Variants in ACADSB observed in about 807,000 individuals in gnomAD.
ACADSB encodes acyl-CoA dehydrogenase short/branched chain.
A neutral mutation model predicts 54.1 loss-of-function variants in ACADSB; 40 were observed. The ratio of observed to expected loss-of-function variants is 0.74; its 90% CI spans 0.57 to 0.96. ACADSB has a LOEUF of 0.96. Among genes scored for constraint, ACADSB ranks in the 40% least tolerant of loss-of-function variants. The probability of loss-of-function intolerance (pLI) is 0.00; values close to 1 mark genes in which losing one functional copy is unlikely to be tolerated. For missense variants in ACADSB, 530 were observed against 510.4 expected, an observed-to-expected ratio of 1.04 and a Z score of -0.37; for synonymous variants, 182 against 182.8, an observed-to-expected ratio of 1.00 and a Z score of 0.03.
Position 123,053,826 on chromosome 10 carries a change from C to A in ACADSB, c.*61C>A. 6.9e-7 allele frequency: 1 copy of A among 1,457,478 alleles called. No homozygotes were observed. Among genetic ancestry groups the A allele is most frequent in the South Asian group, 1.1e-5 (1 of 87,816 alleles). The allele number at this position is 1,457,478 out of a possible 1,614,324, so 90.3% of individuals were successfully genotyped here. A position where few individuals can be genotyped will look rare whatever the true frequency, so the allele number is the denominator to read the frequency against. ...GCTGTAAAATTTTAAACGGTTGTGT[C>A]TTGTTGGGAGTAAGTGCCTTGCGTG... On this transcript the variant is annotated 3_prime_UTR_variant, in exon 11 of 11. Coordinates refer to ENST00000358776, the MANE Select transcript of ACADSB (RefSeq NM_001609.4).
intron 3 of ACADSB, among the ~76,000 whole-genome samples, chr10:123,039,175 T>A (rs1320389735): frequency 6.6e-6 from 1 of 152,194 alleles, no homozygotes; most frequent in African/African-American, 2.4e-5. Context: ...TGATATCTGT[T>A]CGAGTCATTG....
chr10:123,012,069 T>G (rs1850043720), intron 1 of ACADSB, among the ~76,000 whole-genome samples: 1 of 151,460 alleles, frequency 6.6e-6, no homozygotes, highest in African/African-American at 2.4e-5. Flanking sequence ...CAGGCTGGTC[T>G]GGAACTCCTG....
At chr10:123,032,298 G>T (rs2133472039) in intron 1 of ACADSB, among the ~76,000 whole-genome samples, 1 of 152,068 alleles carries the variant, frequency 6.6e-6, no homozygotes. Flanking sequence ...TTCTTTTAAA[G>T]ATAAACTTAG....
intron 8 of ACADSB, among the ~76,000 whole-genome samples, chr10:123,050,398 T>G (rs1251153926): frequency 1.3e-5 from 2 of 152,226 alleles, no homozygotes; most frequent in East Asian, 3.8e-4. Context: ...GGTGGATGGA[T>G]AGGTTAGGCA....
At chr10:123,029,108 A>G (rs1850291385) in intron 1 of ACADSB, among the ~76,000 whole-genome samples, 1 of 152,118 alleles carries the variant, frequency 6.6e-6, no homozygotes, top group Admixed American at 6.5e-5. Context: ...GCACTTTGGG[A>G]GGCCAAGGTG....
chr10:123,025,075 G>A (rs757998040), intron 1 of ACADSB, among the ~76,000 whole-genome samples: 2 of 152,052 alleles, frequency 1.3e-5, no homozygotes, highest in African/African-American at 2.4e-5. Flanking sequence ...ATGCCTGGGC[G>A]ACAGAGTGAG....
At chr10:123,033,865 G>A (rs934323253) in intron 1 of ACADSB, among the ~76,000 whole-genome samples, 12 of 152,052 alleles carry the variant, frequency 7.9e-5, no homozygotes, top group African/African-American at 1.2e-4. Flanking sequence ...AATTAGCCAC[G>A]GAAATTACAA....
intron 6 of ACADSB, among the ~76,000 whole-genome samples, chr10:123,043,966 C>T (rs1168185636): frequency 6.6e-6 from 1 of 152,134 alleles, no homozygotes; most frequent in African/African-American, 2.4e-5. Context: ...ATATACCCCA[C>T]CGTTGATTTT....
intron 7 of ACADSB, 98 bp from the exon 8 acceptor site, chr10:123,047,111 C>T: frequency 2.0e-6 from 2 of 988,632 alleles, no homozygotes; most frequent in Middle Eastern, 3.0e-4. Flanking sequence ...CTTCCCCTGC[C>T]CCAATCATTC....
intron 5 of ACADSB, among the ~76,000 whole-genome samples, chr10:123,042,673 C>G (rs1850491028): frequency 6.6e-6 from 1 of 151,828 alleles, no homozygotes; most frequent in African/African-American, 2.4e-5. Context: ...GTTTCAAACC[C>G]CTGACCTCAG....
chr10:123,012,783 G>T (rs1273436843), intron 1 of ACADSB, among the ~76,000 whole-genome samples: 1 of 152,204 alleles, frequency 6.6e-6, no homozygotes, highest in Non-Finnish European at 1.5e-5. Flanking sequence ...GCAGCGGCAA[G>T]ATTTATTGCA....
rs554827059 is a variant in ACADSB, at chr10:123,045,420, T to G, written c.900+935T>G. 4.9e-3 allele frequency among the ~76,000 whole-genome samples: 745 copies of G among 151,738 alleles called. 3 individuals are homozygous for G. Among genetic ancestry groups the G allele is most frequent in the African/African-American group, 0.017 (710 of 41,426 alleles). On this transcript the variant is annotated intron_variant, in intron 7 of 10. Transcript: ENST00000358776. ...TGGTCTCAATCTCCTGACCTCGTGA[T>G]CCACCCGCCTCGGCCTCCCAAAGTG...
intron 1 of ACADSB, among the ~76,000 whole-genome samples, chr10:123,017,999 G>A (rs138341422): frequency 6.9e-4 from 105 of 152,162 alleles, no homozygotes; most frequent in Middle Eastern, 3.4e-3. Flanking sequence ...CTTCTTATTA[G>A]GCCTAAAGTT....
intron 2 of ACADSB, among the ~76,000 whole-genome samples, chr10:123,037,110 A>G (rs9423323): frequency 0.56 from 85,799 of 152,096 alleles, 24,493 homozygotes; most frequent in South Asian, 0.63. Flanking sequence ...ACTTAGAAGT[A>G]GGGGACGCTC....
At chr10:123,017,804 G>C (rs1850127075) in intron 1 of ACADSB, among the ~76,000 whole-genome samples, 1 of 152,112 alleles carries the variant, frequency 6.6e-6, no homozygotes, top group Non-Finnish European at 1.5e-5. Flanking sequence ...ATGAAAGTCG[G>C]GGGTGGCTTC....
chr10:123,055,344 TACTATC>T lies in ACADSB; in HGVS notation c.*1582_*1587del, dbSNP rs1188428933. On this transcript the variant is annotated 3_prime_UTR_variant, in exon 11 of 11. Coordinates refer to ENST00000358776, the MANE Select transcript of ACADSB (RefSeq NM_001609.4). ...TAAACCTATCAGATCTTGTGAGACTTACTATCACGAGAATAGCACAGGAAAGACTGG... is the reference window on the plus strand; with the variant it reads ...TAAACCTATCAGATCTTGTGAGACTTACGAGAATAGCACAGGAAAGACTGG... 2 of 165,018 alleles carry T rather than the reference TACTATC, an allele frequency of 1.2e-5. No individual in the cohort carries two copies. Among genetic ancestry groups the T allele is most frequent in the Non-Finnish European group, 2.6e-5 (2 of 78,094 alleles). The allele number at this position is 165,018 out of a possible 1,614,324, so 10.2% of individuals were successfully genotyped here. A position where few individuals can be genotyped will look rare whatever the true frequency, so the allele number is the denominator to read the frequency against.
intron 8 of ACADSB, among the ~76,000 whole-genome samples, chr10:123,050,816 T>C (rs949771316): frequency 6.6e-6 from 1 of 152,232 alleles, no homozygotes; most frequent in African/African-American, 2.4e-5. Flanking sequence ...TTGAAAATCA[T>C]GAAGACTTAC....
At chr10:123,042,395 CA>C (rs1183999341) in intron 5 of ACADSB, among the ~76,000 whole-genome samples, 3 of 150,022 alleles carry the variant, frequency 2.0e-5, no homozygotes, top group African/African-American at 7.3e-5. Context: ...ATAATAAATA[CA>C]TTTTTTCACC....
chr10:123,046,206 ATAT>A (rs1850559343), intron 7 of ACADSB, among the ~76,000 whole-genome samples: 2 of 152,368 alleles, frequency 1.3e-5, no homozygotes, highest in South Asian at 4.1e-4. Flanking sequence ...AATTTTTAAC[ATAT>A]TATTCTGTTC....
Sources: gnomAD v4.1 joint callset for allele counts (sites outside exome capture counted in the v4.1 genomes callset) on GRCh38, gnomAD v4.1.1 for gene constraint, MANE v1.5 for transcripts, NCBI Gene and HGNC (gene_info 2026-07-23, HGNC 2026-07-21) for gene names.